ARSG: variants seen among roughly 807,000 people sequenced by gnomAD.
ARSG encodes the protein ASG.
A neutral mutation model predicts 50.5 loss-of-function variants in ARSG; 37 were observed. The ratio of observed to expected loss-of-function variants is 0.73; its 90% CI spans 0.56 to 0.96. The LOEUF (loss-of-function observed/expected upper bound fraction) is 0.96, where lower values mean the gene tolerates loss of function less well. ARSG is among the 50% of genes least tolerant of loss of function. The probability of loss-of-function intolerance (pLI) is 0.00; values close to 1 mark genes in which losing one functional copy is unlikely to be tolerated. For missense variants in ARSG, 629 were observed against 675.3 expected (o/e 0.93, Z 0.76); for synonymous variants, 225 against 254.6 (o/e 0.88, Z 1.11).
chr17:68,302,115 C>CA (rs1401045853), intron 1 of ARSG, among the ~76,000 whole-genome samples: 2 of 152,112 alleles, frequency 1.3e-5, no homozygotes, highest in East Asian at 3.8e-4. Context: ...TCAGTCAGTA[C>CA]AAATTTGGTG....
At chr17:68,407,187 T>C (rs1162860311) in intron 11 of ARSG, among the ~76,000 whole-genome samples, 1 of 152,158 alleles carries the variant, frequency 6.6e-6, no homozygotes, top group Non-Finnish European at 1.5e-5. Context: ...TGTAATTATT[T>C]GGGTTTATTT....
chr17:68,413,698 C>A, intron 11 of ARSG: 1 of 158,406 alleles, frequency 6.3e-6, no homozygotes, highest in Non-Finnish European at 1.4e-5. Context: ...CAATGGCAGG[C>A]GCCCCTCCCC....
intron 8 of ARSG, among the ~76,000 whole-genome samples, chr17:68,372,877 A>ATTTTTT (rs55668215): frequency 1.1e-5 from 1 of 93,210 alleles, no homozygotes; most frequent in South Asian, 4.0e-4. Flanking sequence ...GGAAATGCTG[A>ATTTTTT]TTTTTTTTTT....
At chr17:68,340,763 G>A (rs900546976) in intron 2 of ARSG, among the ~76,000 whole-genome samples, 3 of 152,068 alleles carry the variant, frequency 2.0e-5, no homozygotes, top group African/African-American at 7.2e-5. Context: ...TCCTTTTATT[G>A]CAGGATGGGG....
At chr17:68,339,702 A>G (rs2078184006) in intron 2 of ARSG, among the ~76,000 whole-genome samples, 2 of 152,296 alleles carry the variant, frequency 1.3e-5, no homozygotes, top group Non-Finnish European at 2.9e-5. Context: ...TGTAACCTGG[A>G]AATTAGATCT....
At chr17:68,354,412 CA>C (rs1011747696) in intron 5 of ARSG, among the ~76,000 whole-genome samples, 74 of 95,290 alleles carry the variant, frequency 7.8e-4, no homozygotes, top group African/African-American at 1.2e-3. Context: ...GATCCTGTCT[CA>C]AAAAAAAAAA....
rs1568506461 is a variant in ARSG at position 68,352,092 on chromosome 17, AGAGAGAGAGAGAGAGAGAGAGACAGAG to A, written c.566+425_566+451del. Among the ~76,000 whole-genome samples the A allele has an allele frequency of 8.0e-4, 84 of 104,594 alleles. 1 individual carries two copies. The highest frequency in any genetic ancestry group is 4.5e-3 in the South Asian group (14 of 3,092). 68.6% of individuals were successfully genotyped at this position (104,594 alleles called of 152,430 possible). The stretch of plus-strand genomic sequence containing the variant: ...AGAGAGAGAGAGAGAGACAGAGGAG[AGAGAGAGAGAGAGAGAGAGAGACAGAG>A]GAGAGAGAGAGAGAGAGACAGAGGA... On this transcript the variant is annotated intron_variant, in intron 5 of 11. Transcript: ENST00000621439.
At chr17:68,309,090 T>C (rs4621042) in intron 2 of ARSG, among the ~76,000 whole-genome samples, 51,847 of 152,112 alleles carry the variant, frequency 0.34, 9,218 homozygotes, top group African/African-American at 0.45. Context: ...AGAAATCGAG[T>C]GCAGTGCTGG....
chr17:68,359,439 C>T (rs2079183483), intron 6 of ARSG: 1 of 152,290 alleles, frequency 6.6e-6, no homozygotes, highest in Non-Finnish European at 1.5e-5. Context: ...TAACTGCCTT[C>T]TGCTGCCCTC....
At chr17:68,434,939 C>T in the ARSG span, among the ~76,000 whole-genome samples, 5 of 152,130 alleles carry the variant, frequency 3.3e-5, no homozygotes, top group Admixed American at 1.3e-4. Context: ...TGGTGGCTCA[C>T]GCCTGTAATC....
rs1434325049 is a variant in ARSG, at chr17:68,378,579, G to C, written c.983-6485G>C. Among the ~76,000 whole-genome samples the C allele has an allele frequency of 6.6e-6, 1 of 152,166 alleles. No individual in the cohort carries two copies. Among genetic ancestry groups the C allele is most frequent in the East Asian group, 1.9e-4 (1 of 5,174 alleles). On this transcript the variant is annotated intron_variant, in intron 8 of 11. Transcript: ENST00000621439. The surrounding 1 kb of genome is among the most constrained non-coding windows in gnomAD (Gnocchi z 4.4). ...CTTCTCCCGAAGAAGAAGGGCACGAGTCAGACACCCCTGCTGTCTCTGAGT... is the reference window on the plus strand; with the variant it reads ...CTTCTCCCGAAGAAGAAGGGCACGACTCAGACACCCCTGCTGTCTCTGAGT...
At chr17:68,392,551 G>A (rs970456965) in intron 9 of ARSG, among the ~76,000 whole-genome samples, 4 of 152,168 alleles carry the variant, frequency 2.6e-5, no homozygotes, top group Non-Finnish European at 5.9e-5. Context: ...CCAGGCTGGA[G>A]TGCAGTGGTG....
Position 68,396,012 on chromosome 17 carries a change from T to G in ARSG, c.1212+819T>G, listed in dbSNP as rs534709312. On this transcript the variant is annotated intron_variant, in intron 10 of 11. Transcript: ENST00000621439. Reference sequence around the variant, plus strand: ...CACTCTTGGCAGCCTGTTTTTTTTTTTTGTTTTTTTTTTTGAGATGGAGTC... The same window carrying G: ...CACTCTTGGCAGCCTGTTTTTTTTTGTTGTTTTTTTTTTTGAGATGGAGTC... Among the ~76,000 whole-genome samples the G allele has an allele frequency of 3.5e-3, 428 of 121,370 alleles. 5 individuals are homozygous for G. The highest frequency in any genetic ancestry group is 0.011 in the African/African-American group (406 of 37,502). The allele number at this position is 121,370 out of a possible 152,430, so 79.6% of individuals were successfully genotyped here. A position where few individuals can be genotyped will look rare whatever the true frequency, so the allele number is the denominator to read the frequency against.
At position 68,285,333 on chromosome 17, in the gene ARSG, C is replaced by T. The variant is rs143050186; in HGVS notation, c.-551-21610C>T. Among the ~76,000 whole-genome samples the T allele has an allele frequency of 6.0e-4, 91 of 152,294 alleles. 1 individual carries two copies. The highest frequency in any genetic ancestry group is 3.4e-3 in the Middle Eastern group (1 of 294). ...AAATTTGATAAAGACCCTAGAGAGA[C>T]GTGGAGTGCAGTGGCACGATCATAG... is the stretch of plus-strand genomic sequence containing the variant. On this transcript the variant is annotated intron_variant, in intron 1 of 11. Coordinates refer to the ARSG transcript ENST00000448504.
At chr17:68,417,470 C>T (rs1366627765) in intron 11 of ARSG, among the ~76,000 whole-genome samples, 6 of 152,160 alleles carry the variant, frequency 3.9e-5, no homozygotes, top group African/African-American at 9.6e-5. Flanking sequence ...TTGGGTGCCG[C>T]GGTGGGGGGT....
chr17:68,357,769 G>A (rs1343059014), intron 6 of ARSG, among the ~76,000 whole-genome samples: 2 of 152,182 alleles, frequency 1.3e-5, no homozygotes, highest in Non-Finnish European at 2.9e-5. Context: ...TCTGAAGGGG[G>A]CAGCTACTAC....
At chr17:68,420,870 A>G (rs551168747), downstream of ARSG, 14 of 187,018 alleles carry the variant, frequency 7.5e-5, no homozygotes, top group Admixed American at 6.4e-4. Context: ...TCTGGTTCCC[A>G]GTTTCTCTGG....
At chr17:68,344,345 A>G (rs766972237) in intron 3 of ARSG, among the ~76,000 whole-genome samples, 56 of 152,322 alleles carry the variant, frequency 3.7e-4, no homozygotes, top group Non-Finnish European at 5.3e-4. Flanking sequence ...TGGGCATGGT[A>G]ATCTTCCTCC....
chr17:68,437,315 C>G, the ARSG span, among the ~76,000 whole-genome samples: 77,546 of 151,872 alleles, frequency 0.51, 20,423 homozygotes, highest in African/African-American at 0.62. Context: ...AGCACTTTGG[C>G]AGGCCGAGGC....
Sources: allele counts gnomAD v4.1 joint callset (sites outside exome capture counted in the v4.1 genomes callset), GRCh38; gene constraint gnomAD v4.1.1; non-coding constraint Gnocchi (gnomAD v3.1); transcripts MANE v1.5; gene names NCBI Gene and HGNC (gene_info 2026-07-23, HGNC 2026-07-21).